UNC80: variants seen among roughly 807,000 people sequenced by gnomAD.
UNC80 encodes the protein protein unc-80 homolog.
A neutral mutation model predicts 384.6 loss-of-function variants in UNC80; 164 were observed. The ratio of observed to expected loss-of-function variants is 0.43; its 90% CI spans 0.38 to 0.49. The LOEUF (loss-of-function observed/expected upper bound fraction) is 0.49, where lower values mean the gene tolerates loss of function less well. Among genes scored for constraint, UNC80 ranks in the 20% least tolerant of loss-of-function variants. The pLI is 0.00. For missense variants in UNC80, 3,330 were observed against 4,143.0 expected (o/e 0.80, Z 5.39); for synonymous variants, 1,486 against 1,527.8 (o/e 0.97, Z 0.64).
intron 7 of UNC80, among the ~76,000 whole-genome samples, chr2:209,801,529 C>T (rs2153826314): frequency 6.6e-6 from 1 of 151,532 alleles, no homozygotes; most frequent in Non-Finnish European, 1.5e-5. Flanking sequence ...ATTACAGGTG[C>T]CTGCTACCAC....
At chr2:209,931,528 A>C (rs1425849071) in intron 38 of UNC80, among the ~76,000 whole-genome samples, 1 of 152,110 alleles carries the variant, frequency 6.6e-6, no homozygotes, top group East Asian at 1.9e-4. Context: ...TCTGAGACTT[A>C]CCAATTTCTT....
chr2:209,960,109 T>A (rs2092544219), intron 51 of UNC80, among the ~76,000 whole-genome samples: 1 of 152,228 alleles, frequency 6.6e-6, no homozygotes, highest in Non-Finnish European at 1.5e-5. Context: ...GCACAACTAC[T>A]TTCTGCTTCT....
rs1421516581 is a variant in UNC80 at position 209,977,083 on chromosome 2, G to A, written c.8938+5G>A. On this transcript the variant is annotated splice_donor_5th_base_variant and intron_variant, in intron 58 of 64. Coordinates refer to ENST00000673920, the MANE Select transcript of UNC80 (RefSeq NM_001371986.1). ...AGGCAGTTCATAGTGGATCAGGTGAGTGTGCATGAGAGTGTTGTGAATTTG... is the reference window on the plus strand; with the variant it reads ...AGGCAGTTCATAGTGGATCAGGTGAATGTGCATGAGAGTGTTGTGAATTTG... 6.7e-7 allele frequency: 1 copy of A among 1,490,716 alleles called. No individual in the cohort carries two copies. 92.3% of individuals were successfully genotyped at this position (1,490,716 alleles called of 1,614,324 possible).
intron 7 of UNC80, among the ~76,000 whole-genome samples, chr2:209,806,192 A>G (rs1311610511): frequency 1.3e-5 from 2 of 152,238 alleles, no homozygotes; most frequent in Non-Finnish European, 2.9e-5. Context: ...TATTTCTTAT[A>G]TAATCTTTCT....
chr2:209,923,294 A>G (rs2090178112), intron 35 of UNC80, among the ~76,000 whole-genome samples: 1 of 152,136 alleles, frequency 6.6e-6, no homozygotes, highest in African/African-American at 2.4e-5. Flanking sequence ...TGTCTAATCC[A>G]AGGTCACAAT....
At chr2:209,989,108 T>G (rs1318786647) in intron 61 of UNC80, among the ~76,000 whole-genome samples, 2 of 150,010 alleles carry the variant, frequency 1.3e-5, no homozygotes, top group Non-Finnish European at 3.0e-5. Flanking sequence ...AGGCCAGGAG[T>G]TTGAGACCAG....
chr2:209,988,676 T>C (rs2125029082), intron 61 of UNC80, among the ~76,000 whole-genome samples: 1 of 152,320 alleles, frequency 6.6e-6, no homozygotes, highest in East Asian at 1.9e-4. Flanking sequence ...GAAGAGGTCA[T>C]CTATGTCAGA....
intron 29 of UNC80, among the ~76,000 whole-genome samples, chr2:209,911,885 C>A (rs555451025): frequency 6.6e-6 from 1 of 152,146 alleles, no homozygotes; most frequent in African/African-American, 2.4e-5. Flanking sequence ...TTGTCTTATT[C>A]GTCCTTATGT....
At chr2:209,970,199 C>A (rs1419210441) in intron 53 of UNC80, 15 of 328,936 alleles carry the variant, frequency 4.6e-5, no homozygotes, top group Non-Finnish European at 2.2e-5. Context: ...GGAGCCTGCA[C>A]AATTGGCTAG....
At chr2:209,989,941 C>A (rs555209525) in intron 61 of UNC80, among the ~76,000 whole-genome samples, 1 of 152,178 alleles carries the variant, frequency 6.6e-6, no homozygotes, top group Non-Finnish European at 1.5e-5. Flanking sequence ...ATTTTTAGAG[C>A]GAGTATAATT....
intron 16 of UNC80, 28 bp from the exon 17 acceptor site, chr2:209,833,974 C>T (rs1415380893): frequency 5.8e-6 from 9 of 1,546,196 alleles, no homozygotes; most frequent in Non-Finnish European, 6.1e-6. Flanking sequence ...ATCTTTCTTT[C>T]TCCAACTTCC....
chr2:209,785,961 C>T, intron 4 of UNC80, 105 bp from the exon 5 acceptor site: 1 of 1,297,416 alleles, frequency 7.7e-7, no homozygotes, highest in South Asian at 1.6e-5. Context: ...GATAAATTCA[C>T]TCTGAAAATA....
chr2:209,920,084 A>G (rs1016402505), intron 33 of UNC80, among the ~76,000 whole-genome samples: 2 of 152,140 alleles, frequency 1.3e-5, no homozygotes, highest in African/African-American at 4.8e-5. Flanking sequence ...CAGGAGAATC[A>G]CTTGAACCCA....
At chr2:209,868,812 C>T (rs937132398) in intron 22 of UNC80, among the ~76,000 whole-genome samples, 7 of 152,074 alleles carry the variant, frequency 4.6e-5, no homozygotes, top group African/African-American at 1.7e-4. Flanking sequence ...TTTTGACCTT[C>T]GAATTTAGAA....
rs538996051 is a variant in UNC80, at chr2:209,798,712, C to G, written c.938+4853C>G. ...TATTTTTTTGAGATGGAGTCTTGCTCTGTCACCCAGGCTGGAATGCAGTGG... is the reference window on the plus strand; with the variant it reads ...TATTTTTTTGAGATGGAGTCTTGCTGTGTCACCCAGGCTGGAATGCAGTGG... On this transcript the variant is annotated intron_variant, in intron 7 of 64. Coordinates refer to ENST00000673920, the MANE Select transcript of UNC80 (RefSeq NM_001371986.1). Among the ~76,000 whole-genome samples, 5 of 150,920 alleles carry G rather than the reference C, an allele frequency of 3.3e-5. No homozygotes were observed. The South Asian group carries it at 8.4e-4, about 25-fold the overall frequency.
At chr2:209,887,887 G>A (rs1309346024) in intron 25 of UNC80, among the ~76,000 whole-genome samples, 1 of 152,128 alleles carries the variant, frequency 6.6e-6, no homozygotes, top group Non-Finnish European at 1.5e-5. Context: ...AGGAAAAGGG[G>A]AAAAATACTA....
chr2:209,873,022 G>A (rs2084436862), intron 23 of UNC80, 52 bp downstream of exon 23: 10 of 1,471,774 alleles, frequency 6.8e-6, no homozygotes, highest in East Asian at 5.0e-5. Context: ...GTGAAGTGGA[G>A]TCATTTTTTG....
intron 36 of UNC80, 73 bp downstream of exon 36, chr2:209,927,059 C>G (rs1216532830): frequency 6.7e-7 from 1 of 1,488,838 alleles, no homozygotes; most frequent in Non-Finnish European, 9.1e-7. Context: ...GTAGGTTGCT[C>G]TTAAACACAT....
chr2:209,818,919 G>A, intron 11 of UNC80, 74 bp from the exon 12 acceptor site: 1 of 1,449,742 alleles, frequency 6.9e-7, no homozygotes. Context: ...CATGATTGAA[G>A]TAATAGTATA....
Sources: gnomAD v4.1 joint callset for allele counts (sites outside exome capture counted in the v4.1 genomes callset) on GRCh38, gnomAD v4.1.1 for gene constraint, MANE v1.5 for transcripts, NCBI Gene and HGNC (gene_info 2026-07-23, HGNC 2026-07-21) for gene names.